Variants in WDPCP observed in about 807,000 individuals in gnomAD.
WDPCP encodes WD repeat containing planar cell polarity effector.
In WDPCP, 71 loss-of-function variants were observed where a neutral mutation model predicts 93.1. That is an observed-to-expected ratio of 0.76 (90% CI 0.63 to 0.93). WDPCP has a LOEUF of 0.93. Among genes scored for constraint, WDPCP ranks in the 40% least tolerant of loss-of-function variants. The pLI is 0.00. For missense variants in WDPCP, 844 were observed against 887.4 expected, an observed-to-expected ratio of 0.95 and a Z score of 0.62; for synonymous variants, 315 against 315.0, an observed-to-expected ratio of 1.00 and a Z score of 0.00.
intron 14 of WDPCP, among the ~76,000 whole-genome samples, chr2:63,183,771 C>G (rs2104121790): frequency 6.6e-6 from 1 of 152,002 alleles, no homozygotes; most frequent in African/African-American, 2.4e-5. Context: ...TCTTTATGTC[C>G]AGTAATATTT....
intron 3 of WDPCP, among the ~76,000 whole-genome samples, chr2:63,618,795 A>G (rs1709701330): frequency 1.3e-5 from 2 of 152,026 alleles, no homozygotes; most frequent in Admixed American, 6.6e-5. Context: ...GGTTCAAGCA[A>G]TTCTCCTGCC....
intron 6 of WDPCP, among the ~76,000 whole-genome samples, chr2:63,473,358 C>G (rs909565131): frequency 1.3e-5 from 2 of 152,158 alleles, no homozygotes; most frequent in South Asian, 4.1e-4. Context: ...CTAGCCACCT[C>G]ATGTTTACTT....
At chr2:63,780,269 C>T (rs1670367476) in intron 2 of WDPCP, among the ~76,000 whole-genome samples, 1 of 152,234 alleles carries the variant, frequency 6.6e-6, no homozygotes, top group South Asian at 2.1e-4. Context: ...GGGTACAGTA[C>T]CTGGACCAGA....
intron 2 of WDPCP, among the ~76,000 whole-genome samples, chr2:63,757,412 ATC>A (rs1669986496): frequency 6.6e-6 from 1 of 152,092 alleles, no homozygotes; most frequent in Non-Finnish European, 1.5e-5. Context: ...AAGGCAGAAA[ATC>A]TGTCTTTTTT....
At chr2:63,158,274 G>A (rs1672400532) in intron 15 of WDPCP, among the ~76,000 whole-genome samples, 1 of 152,118 alleles carries the variant, frequency 6.6e-6, no homozygotes, top group Admixed American at 6.5e-5. Context: ...GTTCTGGGTG[G>A]AATGATTTTC....
intron 3 of WDPCP, chr2:63,643,927 C>T: frequency 2.0e-6 from 1 of 502,064 alleles, no homozygotes; most frequent in South Asian, 1.5e-5. Context: ...CAGGGAGGTA[C>T]TTTCTCAACT....
chr2:63,815,901 T>A (rs889176681), intron 1 of WDPCP, among the ~76,000 whole-genome samples: 2 of 152,026 alleles, frequency 1.3e-5, no homozygotes, highest in Non-Finnish European at 2.9e-5. Context: ...TTTTTGCTTT[T>A]TTTTTTCACT....
chr2:63,718,121 A>G (rs1438948608), intron 2 of WDPCP, among the ~76,000 whole-genome samples: 1 of 151,884 alleles, frequency 6.6e-6, no homozygotes, highest in African/African-American at 2.4e-5. Flanking sequence ...GATATATATG[A>G]TATATATATG....
intron 1 of WDPCP, among the ~76,000 whole-genome samples, chr2:63,814,129 T>C (rs1035019518): frequency 6.6e-6 from 1 of 152,198 alleles, no homozygotes; most frequent in Admixed American, 6.5e-5. Flanking sequence ...TAACATATAG[T>C]TACCAAACAC....
intron 2 of WDPCP, among the ~76,000 whole-genome samples, chr2:63,713,649 T>A (rs17028100): frequency 0.2 from 30,264 of 152,186 alleles, 3,268 homozygotes; most frequent in Middle Eastern, 0.28. Flanking sequence ...ATTTGCTAAC[T>A]TTAGTCAAAC....
At chr2:63,823,577 G>A (rs1274826663) in intron 1 of WDPCP, among the ~76,000 whole-genome samples, 1 of 152,210 alleles carries the variant, frequency 6.6e-6, no homozygotes, top group Middle Eastern at 3.4e-3. Context: ...GTGAATACTA[G>A]AATCACTAGA....
At chr2:63,606,778 T>C in intron 3 of WDPCP, 1 of 1,012,908 alleles carries the variant, frequency 9.9e-7, no homozygotes, top group Non-Finnish European at 1.4e-6. Context: ...ACGATATACC[T>C]CTAAATATAA....
chr2:63,325,399 C>T (rs1201559336), intron 12 of WDPCP, among the ~76,000 whole-genome samples: 1 of 152,206 alleles, frequency 6.6e-6, no homozygotes. Context: ...AAGCCCCCAA[C>T]CAGATGATCC....
intron 2 of WDPCP, among the ~76,000 whole-genome samples, chr2:63,721,515 GCAGT>G (rs1329106648): frequency 9.9e-5 from 15 of 152,082 alleles, no homozygotes; most frequent in Non-Finnish European, 1.9e-4. Context: ...ACTCCACAGA[GCAGT>G]CAGAGTGTCT....
intron 2 of WDPCP, among the ~76,000 whole-genome samples, chr2:63,790,554 T>C (rs1269393897): frequency 1.3e-5 from 2 of 152,154 alleles, no homozygotes; most frequent in Non-Finnish European, 2.9e-5. Flanking sequence ...TCCCATAGTA[T>C]TGGGCTACAG....
chr2:63,579,233 TTAAA>T (rs1708326013), intron 1 of WDPCP, among the ~76,000 whole-genome samples: 1 of 152,188 alleles, frequency 6.6e-6, no homozygotes, highest in African/African-American at 2.4e-5. Flanking sequence ...TAAATAAGTG[TTAAA>T]TAAAAGATGC....
intron 14 of WDPCP, among the ~76,000 whole-genome samples, chr2:63,218,209 G>T (rs1223754876): frequency 6.6e-6 from 1 of 152,180 alleles, no homozygotes. Flanking sequence ...TTTCTGGTCA[G>T]TGAAGGAGGG....
chr2:63,699,030 A>G (rs1167835416), intron 2 of WDPCP, among the ~76,000 whole-genome samples: 2 of 152,198 alleles, frequency 1.3e-5, no homozygotes, highest in African/African-American at 4.8e-5. Context: ...TCATCTGAGC[A>G]AACTGGAGAG....
chr2:63,313,572 A>T (rs1517401), intron 12 of WDPCP, among the ~76,000 whole-genome samples: 148 of 151,998 alleles, frequency 9.7e-4, no homozygotes, highest in African/African-American at 3.4e-3. Flanking sequence ...ACTGCTGACT[A>T]TGATAGCTTA....
Sources: allele counts gnomAD v4.1 joint callset (sites outside exome capture counted in the v4.1 genomes callset), GRCh38; gene constraint gnomAD v4.1.1; transcripts MANE v1.5; gene names NCBI Gene and HGNC (gene_info 2026-07-23, HGNC 2026-07-21).